The following ZNF480 variants were observed in gnomAD, a reference collection of about 807,000 sequenced individuals.
ZNF480 encodes zinc finger protein 480.
In ZNF480, 15 loss-of-function variants were observed where a neutral mutation model predicts 14.4. That is an observed-to-expected ratio of 1.04 (90% CI 0.70 to 1.60). The LOEUF is 1.60. ZNF480 is among the 40% of genes most tolerant of loss of function. The probability of loss-of-function intolerance (pLI) is 0.00; values close to 1 mark genes in which losing one functional copy is unlikely to be tolerated. For missense variants in ZNF480, 593 were observed against 629.7 expected (o/e 0.94, Z 0.62); for synonymous variants, 218 against 215.5 (o/e 1.01, Z -0.10).
chr19:52,315,983 G>T (rs1289980489), intron 4 of ZNF480, 21 bp downstream of exon 4: 2 of 1,564,202 alleles, frequency 1.3e-6, no homozygotes, highest in Non-Finnish European at 1.7e-6. Context: ...AGATGGGCAT[G>T]GTGGAAGCCA....
Position 52,324,763 on chromosome 19 carries a change from C to T in ZNF480, c.*1905C>T, listed in dbSNP as rs1037641902. ...ATTGAAACTGGACCCCTATCCTTCA[C>T]GATATACAAAAATCAACTCAAGATG... On this transcript the variant is annotated 3_prime_UTR_variant, in exon 5 of 5. Transcript: ENST00000595962. 11 of 152,116 alleles carry T rather than the reference C, an allele frequency of 7.2e-5. No homozygotes were observed. Among genetic ancestry groups the T allele is most frequent in the Admixed American group, 3.3e-4 (5 of 15,266 alleles). 9.4% of individuals were successfully genotyped at this position (152,116 alleles called of 1,614,324 possible). A position where few individuals can be genotyped will look rare whatever the true frequency, so the allele number is the denominator to read the frequency against.
intron 2 of ZNF480, among the ~76,000 whole-genome samples, chr19:52,311,758 G>A (rs1983297647): frequency 6.6e-6 from 1 of 151,896 alleles, no homozygotes; most frequent in African/African-American, 2.4e-5. Flanking sequence ...AGTACACTGT[G>A]AATAAGCCAC....
At chr19:52,317,833 G>A (rs967648979) in intron 4 of ZNF480, among the ~76,000 whole-genome samples, 3 of 151,978 alleles carry the variant, frequency 2.0e-5, no homozygotes, top group Admixed American at 6.6e-5. Context: ...CCATATTTTC[G>A]ACAACACTTG....
rs190818448 is a variant in ZNF480 at position 52,298,148 on chromosome 19, G to A, written c.-20+925G>A. On this transcript the variant is annotated intron_variant, in intron 1 of 4. Transcript: ENST00000595962. Reference sequence around the variant, plus strand: ...TTTGAGAGTGGGGGAGAGGGGGAGGGATTTGGAGCCAGGGCAGACAGAGCA... The same window carrying A: ...TTTGAGAGTGGGGGAGAGGGGGAGGAATTTGGAGCCAGGGCAGACAGAGCA... 6.2e-3 allele frequency among the ~76,000 whole-genome samples: 933 copies of A among 151,612 alleles called. 5 individuals carry two copies. Among genetic ancestry groups the A allele is most frequent in the Non-Finnish European group, 0.01 (682 of 67,868 alleles).
In ZNF480 at chr19:52,322,130, A is replaced by G; in HGVS notation, c.880A>G (p.Lys294Glu). The G allele has an allele frequency of 2.5e-6, 4 of 1,614,024 alleles. No individual in the cohort carries two copies. The highest frequency in any genetic ancestry group is 1.1e-5 in the South Asian group (1 of 91,076). ...EKPYECNECG[K>E]VFSNNSYLAR... The stretch of plus-strand genomic sequence containing the variant: ...GCCGTATGAATGTAATGAATGTGGT[A>G]AAGTCTTCAGTAATAATTCTTACCT... Residue 294 changes from lysine (K) to glutamate (E), a missense_variant, in exon 5 of 5, where the codon AAA (lysine) becomes GAA (glutamate). Physicochemically the swap from Lys to Glu is moderately conservative, Grantham distance 56. Coordinates refer to ENST00000595962, the MANE Select transcript of ZNF480 (RefSeq NM_144684.4).
intron 2 of ZNF480, among the ~76,000 whole-genome samples, chr19:52,306,111 C>T (rs908532076): frequency 2.4e-4 from 37 of 152,266 alleles, no homozygotes; most frequent in African/African-American, 7.9e-4. Flanking sequence ...CCAATACCAT[C>T]ACAAGCTTTA....
chr19:52,299,840 T>A lies in ZNF480; in HGVS notation c.-19-554T>A, dbSNP rs139806378. On this transcript the variant is annotated intron_variant, in intron 1 of 4. Transcript: ENST00000595962. ...TCCCAAGTAGCTGGGATTATAGGTGTGTGCCACCACGCCCAGCTAATTTTT... is the reference window on the plus strand; with the variant it reads ...TCCCAAGTAGCTGGGATTATAGGTGAGTGCCACCACGCCCAGCTAATTTTT... 2.8e-3 allele frequency among the ~76,000 whole-genome samples: 431 copies of A among 152,280 alleles called. 1 individual carries two copies. Among genetic ancestry groups the A allele is most frequent in the Admixed American group, 9.9e-3 (151 of 15,288 alleles).
chr19:52,315,766 C>T, intron 3 of ZNF480, 68 bp from the exon 4 acceptor site: 1 of 1,537,124 alleles, frequency 6.5e-7, no homozygotes, highest in Non-Finnish European at 8.8e-7. Context: ...ATCCTGTCTC[C>T]TTCCTACACA....
Position 52,321,680 on chromosome 19 carries a change from G to T in ZNF480, c.430G>T (p.Asp144Tyr), listed in dbSNP as rs773223002. ...LHLSELELFP[D>Y]ERVINGCNQV... Reference sequence around the variant, plus strand: ...TCTGTCTGAACTGGAGCTATTTCCAGATGAAAGGGTAATAAATGGATGTAA... The same window carrying T: ...TCTGTCTGAACTGGAGCTATTTCCATATGAAAGGGTAATAAATGGATGTAA... The change falls in exon 5 of 5, where the codon GAT becomes TAT. Residue 144 changes from aspartate (D) to tyrosine (Y), a missense_variant. Transcript: ENST00000595962. 1 of 1,614,040 alleles carries T rather than the reference G, an allele frequency of 6.2e-7. No homozygotes were observed. The highest frequency in any genetic ancestry group is 8.5e-7 in the Non-Finnish European group (1 of 1,179,958).
chr19:52,300,784 G>C (rs1982655177), intron 2 of ZNF480: 1 of 459,812 alleles, frequency 2.2e-6, no homozygotes, highest in South Asian at 3.4e-5. Flanking sequence ...GCAAGCCATT[G>C]ATAAGCATTG....
intron 2 of ZNF480, among the ~76,000 whole-genome samples, chr19:52,313,462 C>G (rs1476322980): frequency 3.3e-5 from 5 of 150,786 alleles, no homozygotes; most frequent in Non-Finnish European, 5.9e-5. Context: ...TTTTTTGAAG[C>G]CACTGTGGAC....
chr19:52,297,374 C>T (rs1982451354), intron 1 of ZNF480, among the ~76,000 whole-genome samples, 151 bp downstream of exon 1: 1 of 151,730 alleles, frequency 6.6e-6, no homozygotes, highest in Non-Finnish European at 1.5e-5. Context: ...GTCAGGCGGT[C>T]GCTTCCCTGT....
intron 2 of ZNF480, chr19:52,301,085 G>C (rs1260830070): frequency 6.5e-6 from 1 of 152,720 alleles, no homozygotes; most frequent in Non-Finnish European, 1.5e-5. Flanking sequence ...AAAGCCTGTT[G>C]CCAGCATGTT....
At chr19:52,297,541 G>T (rs1600209865) in intron 1 of ZNF480, among the ~76,000 whole-genome samples, 1 of 152,118 alleles carries the variant, frequency 6.6e-6, no homozygotes, top group African/African-American at 2.4e-5. Context: ...GGCGGATTCC[G>T]GTCTATGCGG....
intron 3 of ZNF480, among the ~76,000 whole-genome samples, chr19:52,314,768 C>T (rs1222735073): frequency 1.3e-5 from 2 of 151,786 alleles, no homozygotes; most frequent in Non-Finnish European, 2.9e-5. Context: ...TGCACCATTG[C>T]ACTCCAGCCT....
intron 4 of ZNF480, among the ~76,000 whole-genome samples, chr19:52,318,375 T>A (rs1983655556): frequency 6.6e-6 from 1 of 152,212 alleles, no homozygotes; most frequent in East Asian, 1.9e-4. Context: ...CTCAAAGTGC[T>A]GGGATTACAG....
intron 2 of ZNF480, among the ~76,000 whole-genome samples, chr19:52,308,284 G>A (rs542483943): frequency 4.3e-4 from 63 of 146,338 alleles, no homozygotes; most frequent in Middle Eastern, 7.2e-3. Context: ...GAAGGAAAAC[G>A]TTTTCTGCTT....
chr19:52,313,457 T>C (rs1031399199), intron 2 of ZNF480, among the ~76,000 whole-genome samples: 7 of 152,110 alleles, frequency 4.6e-5, no homozygotes, highest in African/African-American at 1.4e-4. Context: ...TTTTTTTTTT[T>C]GAAGCCACTG....
intron 2 of ZNF480, chr19:52,300,827 C>T (rs1982657261): frequency 6.8e-6 from 2 of 292,898 alleles, no homozygotes; most frequent in Admixed American, 9.0e-5. Flanking sequence ...TAAAAGCATT[C>T]CTTATGGGAA....
Sources: gnomAD v4.1 joint callset for allele counts (sites outside exome capture counted in the v4.1 genomes callset) on GRCh38, gnomAD v4.1.1 for gene constraint, MANE v1.5 for transcripts, NCBI Gene and HGNC (gene_info 2026-07-23, HGNC 2026-07-21) for gene names.